The following SMC4 variants were observed in gnomAD, a reference collection of about 807,000 sequenced individuals.
SMC4 encodes structural maintenance of chromosomes protein 4.
Under a neutral mutation model 145.6 loss-of-function variants are expected in SMC4, and 87 were observed. The observed-to-expected ratio is 0.60, with a 90% CI of 0.50 to 0.71. The LOEUF (loss-of-function observed/expected upper bound fraction) is 0.71. Among genes scored for constraint, SMC4 ranks in the 30% least tolerant of loss-of-function variants. SMC4 has a pLI of 0.00. For synonymous variants in SMC4, 558 were observed against 500.7 expected, an observed-to-expected ratio of 1.11 and a Z score of -1.53; for missense variants, 1,447 against 1,537.1, an observed-to-expected ratio of 0.94 and a Z score of 0.98.
In SMC4 at chr3:160,432,410, TAAC is replaced by T; in HGVS notation, c.3428_3430del (p.Thr1143del). The T allele has an allele frequency of 6.2e-7, 1 of 1,612,814 alleles. No individual in the cohort carries two copies. Among genetic ancestry groups the T allele is most frequent in the Non-Finnish European group, 8.5e-7 (1 of 1,179,054 alleles). Reference sequence around the variant, plus strand: ...GAATTTATGGCAGGTTTTTATATAATAACAAATAAATTAAAGGAAAATTACCAA... The same window carrying T: ...GAATTTATGGCAGGTTTTTATATAATAAATAAATTAAAGGAAAATTACCAA... On this transcript the variant is annotated inframe_deletion, in exon 22 of 24. Coordinates refer to ENST00000357388, the MANE Select transcript of SMC4 (RefSeq NM_001002800.3).
chr3:160,421,395 T>A (rs1717161809), intron 13 of SMC4, among the ~76,000 whole-genome samples: 1 of 152,218 alleles, frequency 6.6e-6, no homozygotes, highest in Non-Finnish European at 1.5e-5. Context: ...ACTAAAGGAA[T>A]GTACATTCCA....
In SMC4 at chr3:160,433,844, G is replaced by C; in HGVS notation, c.*35G>C. ...TGAAGATTCTTCAAGTTGATTCAGT[G>C]TATTACTGATTTTTTTCTATTTGTA... On this transcript the variant is annotated 3_prime_UTR_variant, in exon 24 of 24. Transcript: ENST00000357388. 1 of 1,521,002 alleles carries C rather than the reference G, an allele frequency of 6.6e-7. No homozygotes were observed. The allele number at this position is 1,521,002 out of a possible 1,614,324, so 94.2% of individuals were successfully genotyped here.
At position 160,418,518 on chromosome 3, in the gene SMC4, A is replaced by G. The variant is rs116147493; in HGVS notation, c.1671+562A>G. Among the ~76,000 whole-genome samples, 672 of 152,330 alleles carry G rather than the reference A, an allele frequency of 4.4e-3. 4 individuals are homozygous for G. The highest frequency in any genetic ancestry group is 0.015 in the African/African-American group (644 of 41,562). ...GGCAATAAAAAAAAAATCTGTTTGA[A>G]GTGTAATTATACTGAAAATAAATAT... On this transcript the variant is annotated intron_variant, in intron 11 of 23. Transcript: ENST00000357388.
chr3:160,424,423 C>T (rs941260417), intron 15 of SMC4, among the ~76,000 whole-genome samples: 1 of 152,142 alleles, frequency 6.6e-6, no homozygotes, highest in Non-Finnish European at 1.5e-5. Context: ...ACCTTTCCAT[C>T]TGATTTTCTG....
chr3:160,416,239 T>C lies in SMC4; in HGVS notation c.1273-12T>C, dbSNP rs1337439198. 1 of 1,568,702 alleles carries C rather than the reference T, an allele frequency of 6.4e-7. No homozygotes were observed. Among genetic ancestry groups the C allele is most frequent in the South Asian group, 1.2e-5 (1 of 83,622 alleles). ...AAGATGTATGCTCCTATAACTTGTTTTATAATCTCAGGTTGAAGAATTTAA... is the reference window on the plus strand; with the variant it reads ...AAGATGTATGCTCCTATAACTTGTTCTATAATCTCAGGTTGAAGAATTTAA... On this transcript the variant is annotated splice_polypyrimidine_tract_variant and intron_variant, in intron 9 of 23. Transcript: ENST00000357388.
chr3:160,402,121 A>G (rs773850879), intron 3 of SMC4, 28 bp downstream of exon 3: 2 of 1,396,570 alleles, frequency 1.4e-6, no homozygotes, highest in East Asian at 5.3e-5. Context: ...ACTATTTTAT[A>G]ACTTTTTAAA....
intron 18 of SMC4, among the ~76,000 whole-genome samples, chr3:160,429,417 C>T (rs890887045): frequency 6.6e-6 from 1 of 152,180 alleles, no homozygotes; most frequent in Admixed American, 6.5e-5. Flanking sequence ...AGTCAGGGCT[C>T]ACTGCAGCCT....
At chr3:160,404,920 T>A (rs1715150685) in intron 5 of SMC4, 1 of 348,472 alleles carries the variant, frequency 2.9e-6, no homozygotes, top group Admixed American at 4.3e-5. Context: ...CCTTTTCCTT[T>A]GTTTTTGTTC....
chr3:160,408,222 A>G (rs1004449164), intron 5 of SMC4, among the ~76,000 whole-genome samples: 1 of 152,228 alleles, frequency 6.6e-6, no homozygotes, highest in African/African-American at 2.4e-5. Flanking sequence ...TGTTATAGCT[A>G]TGTACTGTTT....
intron 21 of SMC4, 82 bp from the exon 22 acceptor site, chr3:160,432,201 C>A: frequency 8.7e-7 from 1 of 1,153,808 alleles, no homozygotes; most frequent in Non-Finnish European, 1.2e-6. Context: ...GACTACGTCT[C>A]AAAACAAAGT....
chr3:160,420,542 T>G, intron 12 of SMC4, 198 bp from the exon 13 acceptor site: 1 of 469,404 alleles, frequency 2.1e-6, no homozygotes, highest in Non-Finnish European at 3.7e-6. Context: ...AGTTCTTTCA[T>G]TTTGTGCTCA....
At chr3:160,404,628 A>G (rs1715103597) in intron 5 of SMC4, 124 bp downstream of exon 5, 1 of 869,368 alleles carries the variant, frequency 1.2e-6, no homozygotes, top group Non-Finnish European at 2.0e-6. Flanking sequence ...CATGGTTTAC[A>G]TGCTACAGTC....
intron 9 of SMC4, among the ~76,000 whole-genome samples, chr3:160,414,969 C>T (rs977046836): frequency 2.6e-5 from 4 of 151,986 alleles, no homozygotes; most frequent in African/African-American, 9.7e-5. Flanking sequence ...TTTCTTTTTC[C>T]TAAAGTAGTA....
chr3:160,433,884 G>A lies in SMC4; in HGVS notation c.*75G>A. The A allele has an allele frequency of 1.8e-6, 2 of 1,112,558 alleles. No individual in the cohort carries two copies. The highest frequency in any genetic ancestry group is 1.5e-5 in the South Asian group (1 of 67,308). The allele number at this position is 1,112,558 out of a possible 1,614,324, so 68.9% of individuals were successfully genotyped here. On this transcript the variant is annotated 3_prime_UTR_variant, in exon 24 of 24. Coordinates refer to ENST00000357388, the MANE Select transcript of SMC4 (RefSeq NM_001002800.3). The stretch of plus-strand genomic sequence containing the variant: ...TTCTATTTGTAAAGGATTATGAGTT[G>A]TATAAAATACATACTCCCTAAACTA...
chr3:160,407,426 C>T (rs1242848225), intron 5 of SMC4, among the ~76,000 whole-genome samples: 1 of 151,930 alleles, frequency 6.6e-6, no homozygotes, highest in Non-Finnish European at 1.5e-5. Flanking sequence ...GGTGACACAC[C>T]CCTATAGTCC....
Position 160,420,896 on chromosome 3 carries a change from G to C in SMC4, c.2014G>C (p.Asp672His), listed in dbSNP as rs1306134079. Residue 672 changes from aspartate (D) to histidine (H), a missense_variant, in exon 13 of 24, where the codon GAT becomes CAT. By Grantham distance (81) the Asp-to-His change is moderately conservative. Coordinates refer to ENST00000357388, the MANE Select transcript of SMC4 (RefSeq NM_001002800.3). ...TGGAGTTGCAACCTTTATAGGTTTA[G>C]ATAAGGTGGGTATTCGTAATAACCT... ...NIGVATFIGL[D>H]KMAVWAKKMT... is the part of the protein sequence containing the mutation. 1.1e-5 allele frequency: 17 copies of C among 1,600,248 alleles called. No homozygotes were observed. Among genetic ancestry groups the C allele is most frequent in the African/African-American group, 1.4e-5 (1 of 74,036 alleles).
At chr3:160,400,783 C>G in intron 1 of SMC4, 39 bp from the exon 2 acceptor site, 4 of 1,460,394 alleles carry the variant, frequency 2.7e-6, no homozygotes, top group Non-Finnish European at 3.6e-6. Flanking sequence ...GTGTAGCGGC[C>G]CGCGGGCTGA....
At chr3:160,420,460 T>A (rs889891461) in intron 12 of SMC4, 1 of 332,994 alleles carries the variant, frequency 3.0e-6, no homozygotes, top group Non-Finnish European at 5.4e-6. Context: ...TTTCAATAAT[T>A]CAAAGTTTTC....
chr3:160,429,711 GTTTTTTT>G (rs1194382144), intron 18 of SMC4, among the ~76,000 whole-genome samples: 1 of 127,678 alleles, frequency 7.8e-6, no homozygotes, highest in Non-Finnish European at 1.7e-5. Flanking sequence ...ATCTACTTAG[GTTTTTTT>G]TTTTTTTTTT....
Sources: allele counts gnomAD v4.1 joint callset (sites outside exome capture counted in the v4.1 genomes callset), GRCh38; gene constraint gnomAD v4.1.1; transcripts MANE v1.5; gene names NCBI Gene and HGNC (gene_info 2026-07-23, HGNC 2026-07-21).